The following AKAP13 variants were observed in gnomAD, a reference collection of about 807,000 sequenced individuals.
AKAP13 encodes A-kinase anchoring protein 13.
In AKAP13, 80 loss-of-function variants were observed where a neutral mutation model predicts 264.5. The observed-to-expected ratio is 0.30, with a 90% CI of 0.25 to 0.36. The LOEUF is 0.36. Among genes scored for constraint, AKAP13 ranks in the 10% least tolerant of loss-of-function variants. The probability of loss-of-function intolerance (pLI) is 1.00; values close to 1 mark genes in which losing one functional copy is unlikely to be tolerated. For missense variants in AKAP13, 3,712 were observed against 3,435.2 expected (o/e 1.08, Z -2.01); for synonymous variants, 1,380 against 1,250.2 (o/e 1.10, Z -2.19).
At chr15:85,688,688 A>G (rs1467141733) in intron 16 of AKAP13, among the ~76,000 whole-genome samples, 1 of 152,242 alleles carries the variant, frequency 6.6e-6, no homozygotes, top group Non-Finnish European at 1.5e-5. Context: ...GGAGGGTAAC[A>G]TATTTTGTCT....
At chr15:85,632,583 A>C (rs557368803) in intron 8 of AKAP13, among the ~76,000 whole-genome samples, 2 of 152,298 alleles carry the variant, frequency 1.3e-5, no homozygotes, top group East Asian at 3.9e-4. Context: ...TTCCAACATG[A>C]TTATGTTCTC....
intron 1 of AKAP13, chr15:85,415,193 C>T: frequency 3.0e-6 from 4 of 1,350,688 alleles, no homozygotes; most frequent in South Asian, 1.2e-5. Context: ...CCGACGCAGA[C>T]CCCGCTCTGC....
intron 14 of AKAP13, 32 bp downstream of exon 14, chr15:85,669,862 A>G: frequency 6.8e-7 from 1 of 1,460,538 alleles, no homozygotes; most frequent in Non-Finnish European, 9.5e-7. Flanking sequence ...AAAATTAAAT[A>G]TATTAAATCT....
chr15:85,620,077 T>C, intron 8 of AKAP13: 1 of 1,535,988 alleles, frequency 6.5e-7, no homozygotes, highest in East Asian at 2.4e-5. Context: ...CTGTTCTTTC[T>C]TGCATTTGGG....
intron 1 of AKAP13, among the ~76,000 whole-genome samples, chr15:85,458,462 G>T: frequency 7.6e-6 from 1 of 132,216 alleles, no homozygotes. Flanking sequence ...ACTTTACATT[G>T]ATTAAGCATT....
chr15:85,700,516 G>A (rs572937767), intron 17 of AKAP13, among the ~76,000 whole-genome samples: 55 of 152,246 alleles, frequency 3.6e-4, no homozygotes, highest in African/African-American at 8.9e-4. Flanking sequence ...TGTAGGGTTT[G>A]GTATTGACTG....
intron 10 of AKAP13, among the ~76,000 whole-genome samples, chr15:85,650,808 G>C (rs1285721022): frequency 8.8e-6 from 1 of 113,798 alleles, no homozygotes. Flanking sequence ...AACTGCAATT[G>C]CCTGTGCACA....
chr15:85,541,015 G>A (rs1320588533), intron 4 of AKAP13, among the ~76,000 whole-genome samples: 3 of 152,268 alleles, frequency 2.0e-5, no homozygotes, highest in Middle Eastern at 3.4e-3. Flanking sequence ...TCAGAACAAT[G>A]GTTAACTCTG....
chr15:85,440,159 C>T (rs1596181366), intron 1 of AKAP13, among the ~76,000 whole-genome samples: 1 of 152,052 alleles, frequency 6.6e-6, no homozygotes, highest in African/African-American at 2.4e-5. Flanking sequence ...TATAGAAGAA[C>T]CAGTCAGAAT....
In AKAP13 at chr15:85,621,864, C is replaced by T. The variant is rs531007149; in HGVS notation, c.4162-17510C>T. On this transcript the variant is annotated intron_variant, in intron 8 of 36. Transcript: ENST00000394518. ...TTTTGTTTTCCCCACAAACCTACAG[C>T]TAATAAAGGTGTTTGTCTTTGTGTA... 2.0e-5 allele frequency among the ~76,000 whole-genome samples: 3 copies of T among 152,236 alleles called. No individual in the cohort carries two copies. The South Asian group carries it at 6.2e-4, about 32-fold the overall frequency.
chr15:85,594,754 C>T lies in AKAP13; in HGVS notation c.4161+8931C>T, dbSNP rs7174504. 3.6e-3 allele frequency among the ~76,000 whole-genome samples: 541 copies of T among 152,308 alleles called. 2 individuals carry two copies. Among genetic ancestry groups the T allele is most frequent in the African/African-American group, 0.013 (520 of 41,562 alleles). On this transcript the variant is annotated intron_variant, in intron 8 of 36. Coordinates refer to ENST00000394518, the MANE Select transcript of AKAP13 (RefSeq NM_007200.5). ...GATCTTTGAGAAAGGCCTAGGTCCA[C>T]CTCAGGGATCTACCTGGGTACCTAC...
At chr15:85,600,657 G>A (rs891467148) in intron 8 of AKAP13, among the ~76,000 whole-genome samples, 4 of 152,126 alleles carry the variant, frequency 2.6e-5, no homozygotes, top group Non-Finnish European at 4.4e-5. Context: ...TTTAACAAAT[G>A]CATGACATTA....
rs187509388 is a variant in AKAP13, at chr15:85,558,288, A to G, written c.662+14333A>G. On this transcript the variant is annotated intron_variant, in intron 5 of 36. Coordinates refer to ENST00000394518, the MANE Select transcript of AKAP13 (RefSeq NM_007200.5). ...GAGAAAAGTCACATCTAGTTTGTCC[A>G]AAAGACATTATCTCTTTATGAGGAC... 1.9e-4 allele frequency among the ~76,000 whole-genome samples: 29 copies of G among 152,388 alleles called. No homozygotes were observed. The East Asian group carries it at 5.0e-3, about 26-fold the overall frequency.
At chr15:85,386,154 CAGA>C (rs1270586356) in intron 1 of AKAP13, among the ~76,000 whole-genome samples, 3 of 151,864 alleles carry the variant, frequency 2.0e-5, no homozygotes, top group Non-Finnish European at 4.4e-5. Flanking sequence ...TTTTGAAGAG[CAGA>C]AGTTCTTAAT....
At chr15:85,601,649 T>TGTGTGTGTGTGTGTG (rs1567149362) in intron 8 of AKAP13, among the ~76,000 whole-genome samples, 27 of 150,898 alleles carry the variant, frequency 1.8e-4, no homozygotes, top group South Asian at 4.2e-4. Flanking sequence ...TGTGTGTGTG[T>TGTGTGTGTGTGTGTG]TTTTCTTCCA....
At chr15:85,525,601 C>T (rs2077009288) in intron 3 of AKAP13, among the ~76,000 whole-genome samples, 2 of 152,132 alleles carry the variant, frequency 1.3e-5, no homozygotes, top group African/African-American at 4.8e-5. Flanking sequence ...AAGTATACTT[C>T]TAGTAATGAA....
chr15:85,568,404 G>A (rs118171354), intron 5 of AKAP13, among the ~76,000 whole-genome samples: 3,462 of 152,314 alleles, frequency 0.023, 65 homozygotes, highest in Middle Eastern at 0.054. Context: ...AAGCCAGACC[G>A]AAAGATGGGT....
At chr15:85,717,548 T>A (rs2087021618) in intron 21 of AKAP13, 146 bp downstream of exon 21, 4 of 654,132 alleles carry the variant, frequency 6.1e-6, no homozygotes, top group Middle Eastern at 2.4e-4. Flanking sequence ...AAGTGTCCAG[T>A]GCTTTGTCAT....
At chr15:85,568,918 A>C (rs2078704879) in intron 5 of AKAP13, among the ~76,000 whole-genome samples, 1 of 152,186 alleles carries the variant, frequency 6.6e-6, no homozygotes, top group Non-Finnish European at 1.5e-5. Context: ...ATTGCCCCAT[A>C]ACAAGAGTGG....
Sources: gnomAD v4.1 joint callset for allele counts (sites outside exome capture counted in the v4.1 genomes callset) on GRCh38, gnomAD v4.1.1 for gene constraint, MANE v1.5 for transcripts, NCBI Gene and HGNC (gene_info 2026-07-23, HGNC 2026-07-21) for gene names.